PPP2R2B: variants seen among roughly 807,000 people sequenced by gnomAD.
PPP2R2B encodes the protein protein phosphatase 2 regulatory subunit Bbeta.
A neutral mutation model predicts 46.0 loss-of-function variants in PPP2R2B; 5 were observed. The ratio of observed to expected loss-of-function variants is 0.11; its 90% CI spans 0.06 to 0.23. PPP2R2B has a LOEUF of 0.23. PPP2R2B is among the 10% of genes least tolerant of loss of function. PPP2R2B has a pLI of 1.00. For missense variants in PPP2R2B, 367 were observed against 575.0 expected (o/e 0.64, Z 3.70); for synonymous variants, 215 against 206.7 (o/e 1.04, Z -0.34).
At chr5:146,803,495 A>G (rs1756989703) in intron 2 of PPP2R2B, among the ~76,000 whole-genome samples, 1 of 152,222 alleles carries the variant, frequency 6.6e-6, no homozygotes, top group South Asian at 2.1e-4. Flanking sequence ...AATAAAATTT[A>G]TTTATGTTAA....
intron 2 of PPP2R2B, among the ~76,000 whole-genome samples, chr5:146,734,406 A>G (rs1752418783): frequency 6.6e-6 from 1 of 152,084 alleles, no homozygotes; most frequent in African/African-American, 2.4e-5. Flanking sequence ...ACAATATCTC[A>G]TTCAGTTCTC....
chr5:146,934,938 A>C (rs1582456465), intron 1 of PPP2R2B, among the ~76,000 whole-genome samples: 1 of 152,206 alleles, frequency 6.6e-6, no homozygotes, highest in Admixed American at 6.6e-5. Flanking sequence ...AAGATGGGAA[A>C]TTATCACTTT....
chr5:146,858,562 CA>C (rs917030698), intron 2 of PPP2R2B, among the ~76,000 whole-genome samples: 4 of 151,130 alleles, frequency 2.6e-5, no homozygotes, highest in African/African-American at 9.7e-5. Context: ...GGAAATGAGG[CA>C]AAAAAAATAC....
chr5:147,001,734 AT>A (rs1220109243), intron 1 of PPP2R2B, among the ~76,000 whole-genome samples: 1 of 152,152 alleles, frequency 6.6e-6, no homozygotes, highest in Admixed American at 6.5e-5. Flanking sequence ...TGGGGGCTAA[AT>A]AACAGGCACT....
intron 7 of PPP2R2B, among the ~76,000 whole-genome samples, chr5:146,634,077 G>A (rs1159353231): frequency 1.3e-5 from 2 of 152,206 alleles, no homozygotes; most frequent in East Asian, 1.9e-4. Flanking sequence ...GAAATTCTGG[G>A]TGTTTCTGTA....
intron 2 of PPP2R2B, among the ~76,000 whole-genome samples, chr5:146,731,701 G>C (rs938034707): frequency 4.6e-5 from 7 of 152,176 alleles, no homozygotes; most frequent in African/African-American, 1.7e-4. Context: ...TTTCATGAAG[G>C]AGGTGTGCAG....
chr5:146,663,133 TC>T lies in PPP2R2B; in HGVS notation c.448-12410del, dbSNP rs1175823056. Among the ~76,000 whole-genome samples the T allele has an allele frequency of 3.9e-5, 6 of 152,192 alleles. No homozygotes were observed. The East Asian group carries it at 1.2e-3, about 29-fold the overall frequency. The stretch of plus-strand genomic sequence containing the variant: ...TATGAGGTAGGTATTCATATCATCC[TC>T]TTTTTACAGATCAGCATATCTGAGA... On this transcript the variant is annotated intron_variant, in intron 5 of 9. Transcript: ENST00000394411.
At chr5:146,692,382 T>C (rs1778906355) in intron 4 of PPP2R2B, among the ~76,000 whole-genome samples, 1 of 152,074 alleles carries the variant, frequency 6.6e-6, no homozygotes, top group Non-Finnish European at 1.5e-5. Flanking sequence ...CTCTATAGCA[T>C]TAAAACAGAG....
chr5:146,674,393 T>G (rs1430335796), intron 5 of PPP2R2B, among the ~76,000 whole-genome samples: 2 of 152,174 alleles, frequency 1.3e-5, no homozygotes, highest in Admixed American at 6.5e-5. Context: ...ACACAATAAG[T>G]AGAAATAAGT....
At chr5:146,592,343 T>G (rs1770744469) in intron 9 of PPP2R2B, 1 of 215,856 alleles carries the variant, frequency 4.6e-6, no homozygotes, top group African/African-American at 2.4e-5. Flanking sequence ...ACACTATTAT[T>G]GGTGCCACCT....
At chr5:147,008,771 G>A (rs931167138) in intron 1 of PPP2R2B, among the ~76,000 whole-genome samples, 2 of 152,086 alleles carry the variant, frequency 1.3e-5, no homozygotes, top group African/African-American at 4.8e-5. Context: ...CATCATCTTT[G>A]ATAAGTTCTT....
chr5:146,907,393 T>C (rs1031000711), intron 1 of PPP2R2B, among the ~76,000 whole-genome samples: 3 of 152,178 alleles, frequency 2.0e-5, no homozygotes, highest in Non-Finnish European at 4.4e-5. Flanking sequence ...ATGAATGTGT[T>C]CCCATATGAG....
At chr5:146,905,428 A>G (rs1835949) in intron 1 of PPP2R2B, among the ~76,000 whole-genome samples, 25,247 of 152,052 alleles carry the variant, frequency 0.17, 2,570 homozygotes, top group East Asian at 0.37. Flanking sequence ...TATAATAGAG[A>G]TGGGATCTCA....
intron 1 of PPP2R2B, among the ~76,000 whole-genome samples, chr5:146,928,986 T>C (rs1379916075): frequency 2.0e-5 from 3 of 152,188 alleles, no homozygotes; most frequent in Non-Finnish European, 4.4e-5. Context: ...ATTGGCTATT[T>C]TCTTTTCCTG....
intron 1 of PPP2R2B, among the ~76,000 whole-genome samples, chr5:146,953,455 A>G (rs1751720978): frequency 6.6e-6 from 1 of 152,174 alleles, no homozygotes; most frequent in Non-Finnish European, 1.5e-5. Context: ...CTATAGAACA[A>G]GCATTTTATT....
intron 2 of PPP2R2B, among the ~76,000 whole-genome samples, chr5:146,790,434 T>C (rs1383628158): frequency 6.6e-6 from 1 of 152,156 alleles, no homozygotes; most frequent in Non-Finnish European, 1.5e-5. Flanking sequence ...TATGCATGAT[T>C]TAATGAGGGA....
intron 2 of PPP2R2B, among the ~76,000 whole-genome samples, chr5:146,833,606 C>A (rs114758275): frequency 6.6e-6 from 1 of 152,166 alleles, no homozygotes. Flanking sequence ...GTGGGAATGA[C>A]ATGTTGAAAC....
chr5:146,607,679 C>A (rs981619790), intron 7 of PPP2R2B: 11 of 152,080 alleles, frequency 7.2e-5, no homozygotes, highest in Non-Finnish European at 1.6e-4. Context: ...GAATCAAAAC[C>A]TTTTCTTTTC....
intron 5 of PPP2R2B, among the ~76,000 whole-genome samples, chr5:146,664,705 C>T (rs1776869000): frequency 6.6e-6 from 1 of 152,092 alleles, no homozygotes; most frequent in Non-Finnish European, 1.5e-5. Context: ...GAGTGCGTCC[C>T]AGAAGATGTT....
Sources: allele counts gnomAD v4.1 joint callset (sites outside exome capture counted in the v4.1 genomes callset), GRCh38; gene constraint gnomAD v4.1.1; transcripts MANE v1.5; gene names NCBI Gene and HGNC (gene_info 2026-07-23, HGNC 2026-07-21).